Variants in NAALADL2 observed in about 807,000 individuals in gnomAD.
NAALADL2 encodes inactive N-acetylated-alpha-linked acidic dipeptidase-like protein 2.
In NAALADL2, 76 loss-of-function variants were observed where a neutral mutation model predicts 87.2. The ratio of observed to expected loss-of-function variants is 0.87; its 90% CI spans 0.72 to 1.05. The LOEUF (loss-of-function observed/expected upper bound fraction) is 1.05, where lower values mean the gene tolerates loss of function less well. NAALADL2 is among the 50% of genes least tolerant of loss of function. The pLI is 0.00. For missense variants in NAALADL2, 1,089 were observed against 945.8 expected (o/e 1.15, Z -1.99); for synonymous variants, 354 against 331.0 (o/e 1.07, Z -0.75).
At chr3:174,918,978 C>T (rs998074872) in intron 1 of NAALADL2, among the ~76,000 whole-genome samples, 4 of 151,718 alleles carry the variant, frequency 2.6e-5, no homozygotes, top group African/African-American at 4.8e-5. Context: ...TTTGGTTTCT[C>T]GGTGCATATA....
In NAALADL2 at chr3:174,500,388, G is replaced by T. The variant is rs892651777; in HGVS notation, c.-183-50181G>T. On this transcript the variant is annotated intron_variant, in intron 1 of 3. Transcript: ENST00000434257. ...ATGATCATTTATAAACACAGTTTTG[G>T]CTCTTCCTTCCCAATCTGAATGTCT... Among the ~76,000 whole-genome samples the T allele has an allele frequency of 5.9e-5, 9 of 151,844 alleles. No individual in the cohort carries two copies. In the South Asian group the frequency reaches 1.2e-3, roughly 21 times the overall value.
intron 5 of NAALADL2, among the ~76,000 whole-genome samples, chr3:175,339,179 C>T (rs1762336337): frequency 1.3e-5 from 2 of 152,210 alleles, no homozygotes; most frequent in South Asian, 4.1e-4. Context: ...CAAATAGTGA[C>T]AGTCACATCA....
chr3:174,611,753 G>A (rs1719915341), intron 2 of NAALADL2, among the ~76,000 whole-genome samples: 1 of 151,314 alleles, frequency 6.6e-6, no homozygotes, highest in African/African-American at 2.4e-5. Flanking sequence ...GCCACGCCTG[G>A]CTAATTTTTG....
At chr3:174,646,992 T>G (rs1723861186) in intron 2 of NAALADL2, among the ~76,000 whole-genome samples, 2 of 152,142 alleles carry the variant, frequency 1.3e-5, no homozygotes, top group Non-Finnish European at 2.9e-5. Context: ...AACATTCATG[T>G]CTTCTTTTCC....
rs1580616423 is a variant in NAALADL2, at chr3:175,132,021, A to C, written c.545+34730A>C. Among the ~76,000 whole-genome samples, 2 of 112,386 alleles carry C rather than the reference A, an allele frequency of 1.8e-5. 1 individual carries two copies. The highest frequency in any genetic ancestry group is 3.7e-5 in the Non-Finnish European group (2 of 54,758). 73.7% of individuals were successfully genotyped at this position (112,386 alleles called of 152,430 possible). A position where few individuals can be genotyped will look rare whatever the true frequency, so the allele number is the denominator to read the frequency against. On this transcript the variant is annotated intron_variant, in intron 2 of 13. Transcript: ENST00000454872. ...ACTGACCCCCCCACCTCCCTCCCGG[A>C]CGGGGCGGCTGGCCAGGCAGAGGGG...
At chr3:174,791,919 A>T (rs185116521) in intron 3 of NAALADL2, among the ~76,000 whole-genome samples, 24 of 152,188 alleles carry the variant, frequency 1.6e-4, no homozygotes, top group African/African-American at 5.8e-4. Context: ...AGTGAAATAT[A>T]TATAGTGACT....
At chr3:174,495,754 G>GT (rs1718492464) in intron 1 of NAALADL2, among the ~76,000 whole-genome samples, 1 of 86,160 alleles carries the variant, frequency 1.2e-5, no homozygotes, top group East Asian at 1.0e-3. Context: ...TGGTGTGATA[G>GT]CAAAAATGAA....
chr3:175,355,624 C>T (rs895574607), intron 5 of NAALADL2, among the ~76,000 whole-genome samples: 5 of 152,066 alleles, frequency 3.3e-5, no homozygotes, highest in African/African-American at 1.2e-4. Flanking sequence ...AAATTAGGAA[C>T]TTTATTTAAA....
intron 9 of NAALADL2, among the ~76,000 whole-genome samples, chr3:175,562,972 A>ATGTGTG (rs975959285): frequency 1.8e-5 from 2 of 109,850 alleles, no homozygotes; most frequent in Non-Finnish European, 4.2e-5. Context: ...GTGTGTGTGT[A>ATGTGTG]TGTGTGTGTG....
At chr3:175,148,518 GC>G (rs1222625889) in intron 2 of NAALADL2, among the ~76,000 whole-genome samples, 1 of 151,980 alleles carries the variant, frequency 6.6e-6, no homozygotes, top group East Asian at 1.9e-4. Flanking sequence ...TTTTCCCAAC[GC>G]CCAAGTCCAC....
intron 4 of NAALADL2, among the ~76,000 whole-genome samples, chr3:175,267,225 A>G (rs1367345342): frequency 6.6e-6 from 1 of 152,054 alleles, no homozygotes; most frequent in Non-Finnish European, 1.5e-5. Context: ...TGTGGTTTTA[A>G]GAAAATCTTA....
intron 3 of NAALADL2, among the ~76,000 whole-genome samples, chr3:174,762,062 T>C (rs1713048408): frequency 6.6e-6 from 1 of 152,114 alleles, no homozygotes; most frequent in African/African-American, 2.4e-5. Context: ...TAGTTACATA[T>C]ATCATGTATT....
At chr3:174,833,371 A>T (rs534886873) in intron 3 of NAALADL2, among the ~76,000 whole-genome samples, 1 of 152,136 alleles carries the variant, frequency 6.6e-6, no homozygotes, top group Non-Finnish European at 1.5e-5. Context: ...AGAAAGAAAA[A>T]CTTAACAGCC....
chr3:175,708,906 T>C (rs1740123240), intron 11 of NAALADL2, among the ~76,000 whole-genome samples: 1 of 151,996 alleles, frequency 6.6e-6, no homozygotes, highest in Admixed American at 6.6e-5. Context: ...TGAACAGATA[T>C]CAATGGAAAA....
intron 1 of NAALADL2, among the ~76,000 whole-genome samples, chr3:174,949,312 T>G (rs971531736): frequency 6.6e-6 from 1 of 152,160 alleles, no homozygotes; most frequent in African/African-American, 2.4e-5. Flanking sequence ...AATTGGAATC[T>G]ATTTTACCTG....
At chr3:174,882,893 ATATATATGTG>A (rs1169731465) in intron 1 of NAALADL2, among the ~76,000 whole-genome samples, 3 of 150,018 alleles carry the variant, frequency 2.0e-5, no homozygotes, top group Non-Finnish European at 4.4e-5. Flanking sequence ...GTATATATGT[ATATATATGTG>A]TATATATATG....
At chr3:175,747,235 G>A (rs1362628189) in intron 12 of NAALADL2, among the ~76,000 whole-genome samples, 1 of 151,916 alleles carries the variant, frequency 6.6e-6, no homozygotes, top group Non-Finnish European at 1.5e-5. Context: ...TTTATCTTCT[G>A]TCTCACAATT....
At chr3:175,172,245 A>G (rs1415659163) in intron 2 of NAALADL2, among the ~76,000 whole-genome samples, 3 of 146,286 alleles carry the variant, frequency 2.1e-5, no homozygotes, top group Non-Finnish European at 3.1e-5. Flanking sequence ...TTATTTTTGG[A>G]AGATATGTAT....
intron 3 of NAALADL2, among the ~76,000 whole-genome samples, chr3:174,839,573 GA>G (rs1406651287): frequency 1.3e-5 from 2 of 152,046 alleles, no homozygotes; most frequent in African/African-American, 4.8e-5. Context: ...CAGAGTGAGA[GA>G]AAACCTTCAC....
Sources: allele counts gnomAD v4.1 joint callset (sites outside exome capture counted in the v4.1 genomes callset), GRCh38; gene constraint gnomAD v4.1.1; transcripts MANE v1.5; gene names NCBI Gene and HGNC (gene_info 2026-07-23, HGNC 2026-07-21).